Variants in ARHGAP20 observed in about 807,000 individuals in gnomAD.
ARHGAP20 encodes the protein rho GTPase-activating protein 20.
In ARHGAP20, 34 loss-of-function variants were observed where a neutral mutation model predicts 73.7. That is an observed-to-expected ratio of 0.46 (90% CI 0.35 to 0.61). The LOEUF is 0.61. Ranked by LOEUF, ARHGAP20 falls within the 20% of genes least tolerant of loss-of-function variation. The pLI is 0.00. For synonymous variants in ARHGAP20, 523 were observed against 518.2 expected, an observed-to-expected ratio of 1.01 and a Z score of -0.13; for missense variants, 1,314 against 1,420.9, an observed-to-expected ratio of 0.92 and a Z score of 1.21.
At chr11:110,590,587 T>C in intron 11 of ARHGAP20, 61 bp downstream of exon 11, 2 of 1,474,566 alleles carry the variant, frequency 1.4e-6, no homozygotes, top group Non-Finnish European at 1.8e-6. Context: ...AATGAAAAAG[T>C]AAAACACCCT....
intron 4 of ARHGAP20, among the ~76,000 whole-genome samples, chr11:110,617,984 G>A (rs1382531384): frequency 6.6e-6 from 1 of 152,092 alleles, no homozygotes; most frequent in Admixed American, 6.5e-5. Context: ...CTCAGTTAAG[G>A]TGCCCTAAGG....
chr11:110,629,283 T>C (rs150582102), intron 3 of ARHGAP20, among the ~76,000 whole-genome samples: 8 of 152,302 alleles, frequency 5.3e-5, no homozygotes, highest in Non-Finnish European at 8.8e-5. Flanking sequence ...TCTTAGTATA[T>C]AACAAACCTT....
chr11:110,627,050 G>T (rs891630318), intron 3 of ARHGAP20, among the ~76,000 whole-genome samples: 1 of 152,006 alleles, frequency 6.6e-6, no homozygotes, highest in African/African-American at 2.4e-5. Context: ...ATTAAAAAGT[G>T]TGAATCCAAT....
At chr11:110,687,075 CACAT>C (rs1216596583) in intron 2 of ARHGAP20, among the ~76,000 whole-genome samples, 146 of 112,368 alleles carry the variant, frequency 1.3e-3, no homozygotes, top group African/African-American at 5.1e-3. Flanking sequence ...CACACACACA[CACAT>C]ATATATAGAC....
chr11:110,652,762 C>A (rs562562407), intron 2 of ARHGAP20, among the ~76,000 whole-genome samples: 42 of 152,192 alleles, frequency 2.8e-4, no homozygotes, highest in African/African-American at 9.6e-4. Flanking sequence ...GAAAAACATT[C>A]CATGCTCATG....
intron 2 of ARHGAP20, among the ~76,000 whole-genome samples, chr11:110,644,858 A>G (rs1317413192): frequency 6.6e-6 from 1 of 152,196 alleles, no homozygotes; most frequent in African/African-American, 2.4e-5. Flanking sequence ...CAGACAATCT[A>G]CAGGGTGAAG....
chr11:110,605,833 G>T (rs1948213372), intron 9 of ARHGAP20, among the ~76,000 whole-genome samples: 1 of 152,174 alleles, frequency 6.6e-6, no homozygotes, highest in Non-Finnish European at 1.5e-5. Context: ...GCAAATCCAT[G>T]GGTCTCCCAG....
chr11:110,624,430 C>A, intron 3 of ARHGAP20, 119 bp from the exon 4 acceptor site: 1 of 699,186 alleles, frequency 1.4e-6, no homozygotes, highest in Non-Finnish European at 2.2e-6. Context: ...CCAAATACTG[C>A]ATGTTCTCAC....
At position 110,580,425 on chromosome 11, in the gene ARHGAP20, T is replaced by C. The variant is rs1947422806; in HGVS notation, c.2521A>G (p.Thr841Ala). 2 of 1,612,982 alleles carry C rather than the reference T, an allele frequency of 1.2e-6. No homozygotes were observed. The highest frequency in any genetic ancestry group is 2.7e-5 in the African/African-American group (2 of 74,558). Reference protein sequence around the residue: ...HTADALKGPRTHRRCSEPNIE... With the variant: ...HTADALKGPRAHRRCSEPNIE... Reference sequence around the variant, plus strand: ...TTGGGCTCTGAGCAGCGCCGATGTGTCCTTGGACCCTTGAGGGCATCTGCT... The same window carrying C: ...TTGGGCTCTGAGCAGCGCCGATGTGCCCTTGGACCCTTGAGGGCATCTGCT... Residue 841 changes from threonine to alanine, a missense_variant, in exon 15 of 15, where the codon ACA (threonine) becomes GCA (alanine). Around this residue, in one of 3 missense-constraint regions of ARHGAP20, gnomAD observed 641 missense variants for 636.9 expected, o/e 1.01. Coordinates refer to ENST00000683387, the MANE Select transcript of ARHGAP20 (RefSeq NM_001384657.1).
At chr11:110,670,321 T>C (rs1025863046) in intron 2 of ARHGAP20, among the ~76,000 whole-genome samples, 1 of 152,012 alleles carries the variant, frequency 6.6e-6, no homozygotes, top group African/African-American at 2.4e-5. Flanking sequence ...AAAATTCATA[T>C]GCCTTTAACT....
intron 1 of ARHGAP20, among the ~76,000 whole-genome samples, chr11:110,708,676 G>C (rs1950593158): frequency 6.6e-6 from 1 of 152,168 alleles, no homozygotes; most frequent in Admixed American, 6.5e-5. Flanking sequence ...CTTTGGAAGT[G>C]TGAATTAACC....
In ARHGAP20 at chr11:110,590,574, C is replaced by T. The variant is rs559882865; in HGVS notation, c.1305+74G>A. 15 of 1,405,848 alleles carry T rather than the reference C, an allele frequency of 1.1e-5. No individual in the cohort carries two copies. The South Asian group carries it at 2.2e-4, about 21-fold the overall frequency. The allele number at this position is 1,405,848 out of a possible 1,614,324, so 87.1% of individuals were successfully genotyped here. On this transcript the variant is annotated intron_variant, in intron 11 of 14. Coordinates refer to ENST00000683387, the MANE Select transcript of ARHGAP20 (RefSeq NM_001384657.1). ...GGTCTTTGCAAATAGAAATAATGTT[C>T]ATAATGAAAAAGTAAAACACCCTCT...
chr11:110,651,294 C>T (rs568380466), intron 2 of ARHGAP20, among the ~76,000 whole-genome samples: 7 of 151,630 alleles, frequency 4.6e-5, no homozygotes, highest in Non-Finnish European at 1.0e-4. Context: ...AGACAGATAT[C>T]CTAACATCAC....
intron 2 of ARHGAP20, among the ~76,000 whole-genome samples, chr11:110,685,287 A>G (rs570983337): frequency 6.6e-6 from 1 of 152,270 alleles, no homozygotes; most frequent in South Asian, 2.1e-4. Context: ...GTCTTAACAC[A>G]AGGATGATTA....
chr11:110,710,241 A>G (rs1345907911), intron 1 of ARHGAP20, among the ~76,000 whole-genome samples: 1 of 152,222 alleles, frequency 6.6e-6, no homozygotes, highest in African/African-American at 2.4e-5. Flanking sequence ...AAAGGTAGGT[A>G]CTGGTTTGTT....
chr11:110,611,361 G>T lies in ARHGAP20; in HGVS notation c.656C>A (p.Ser219Ter). The stretch of plus-strand genomic sequence containing the variant: ...GTTGATAACTTCATTCGCTGTATCT[G>T]AATTCATTACTGTTATAGTTTTAGA... ...AYSKTITVMN[S>*]DTANEVINMS... Residue 219 changes from serine to a stop codon, truncating the protein, a stop_gained, in exon 7 of 15, where the codon TCA becomes TAA. Coordinates refer to ENST00000683387, the MANE Select transcript of ARHGAP20 (RefSeq NM_001384657.1). LOFTEE classifies it high-confidence loss of function. 6.4e-7 allele frequency: 1 copy of T among 1,555,918 alleles called. No homozygotes were observed. Among genetic ancestry groups the T allele is most frequent in the South Asian group, 1.2e-5 (1 of 82,900 alleles).
intron 1 of ARHGAP20, chr11:110,691,061 G>A: frequency 7.0e-7 from 1 of 1,420,006 alleles, no homozygotes; most frequent in Non-Finnish European, 9.4e-7. Flanking sequence ...GACAAGTAAA[G>A]GAGAGGAAAA....
intron 2 of ARHGAP20, among the ~76,000 whole-genome samples, chr11:110,643,594 A>T (rs73555950): frequency 0.052 from 7,889 of 151,978 alleles, 251 homozygotes; most frequent in Middle Eastern, 0.095. Context: ...TCTTCTTGAT[A>T]CTGATTTCTA....
At chr11:110,604,159 G>A (rs1285329384) in intron 9 of ARHGAP20, among the ~76,000 whole-genome samples, 3 of 152,116 alleles carry the variant, frequency 2.0e-5, no homozygotes, top group Non-Finnish European at 4.4e-5. Context: ...CCCCTTACAG[G>A]AAAAGTTTGC....
Sources: gnomAD v4.1 joint callset for allele counts (sites outside exome capture counted in the v4.1 genomes callset) on GRCh38, gnomAD v4.1.1 for gene constraint, gnomAD v4.1.1 regional missense constraint, MANE v1.5 for transcripts, NCBI Gene and HGNC (gene_info 2026-07-23, HGNC 2026-07-21) for gene names.